PLCG2: variants seen among roughly 807,000 people sequenced by gnomAD.
The protein encoded by PLCG2 is phospholipase C gamma 2.
Under a neutral mutation model 175.6 loss-of-function variants are expected in PLCG2, and 69 were observed. The observed-to-expected ratio is 0.39, with a 90% CI of 0.32 to 0.48. The LOEUF (loss-of-function observed/expected upper bound fraction) is 0.48. Ranked by LOEUF, PLCG2 falls within the 20% of genes least tolerant of loss-of-function variation. The pLI, the probability that PLCG2 is intolerant of heterozygous loss-of-function variation, is 0.91. For missense variants in PLCG2, 1,798 were observed against 1,650.9 expected (o/e 1.09, Z -1.54); for synonymous variants, 827 against 624.0 (o/e 1.33, Z -4.85).
chr16:81,939,074 A>T (rs1164401044), intron 29 of PLCG2, among the ~76,000 whole-genome samples, 159 bp downstream of exon 29: 1 of 151,930 alleles, frequency 6.6e-6, no homozygotes, highest in African/African-American at 2.4e-5. Context: ...GGGGATACAT[A>T]CAAAGGGCCA....
chr16:81,941,996 A>G (rs574554131), intron 30 of PLCG2, among the ~76,000 whole-genome samples: 1 of 152,238 alleles, frequency 6.6e-6, no homozygotes, highest in Non-Finnish European at 1.5e-5. Flanking sequence ...GATTAGTCTA[A>G]TAAGGCTTAG....
chr16:81,853,470 G>A (rs1906523577), intron 2 of PLCG2, among the ~76,000 whole-genome samples: 1 of 152,172 alleles, frequency 6.6e-6, no homozygotes, highest in Non-Finnish European at 1.5e-5. Context: ...CACAGATGGT[G>A]GGGGCAGTGG....
At chr16:81,943,783 G>A (rs544352257) in intron 30 of PLCG2, among the ~76,000 whole-genome samples, 1 of 152,228 alleles carries the variant, frequency 6.6e-6, no homozygotes, top group African/African-American at 2.4e-5. Context: ...GTAGCGATAG[G>A]GAAAAATAGG....
intron 2 of PLCG2, among the ~76,000 whole-genome samples, chr16:81,769,536 C>T (rs1032550105): frequency 3.3e-5 from 5 of 151,948 alleles, no homozygotes; most frequent in African/African-American, 4.8e-5. Flanking sequence ...GACATGGGGC[C>T]GGGCGCGGTG....
At chr16:81,805,233 C>T (rs1478731533) in intron 2 of PLCG2, among the ~76,000 whole-genome samples, 2 of 152,284 alleles carry the variant, frequency 1.3e-5, no homozygotes, top group Non-Finnish European at 2.9e-5. Flanking sequence ...GGCTCGGTAG[C>T]TCATGCCTGT....
rs1485244733 is a variant in PLCG2, at chr16:81,856,917, C to T, written c.338-1346C>T. 2.0e-5 allele frequency among the ~76,000 whole-genome samples: 3 copies of T among 152,232 alleles called. No homozygotes were observed. In the South Asian group the frequency reaches 6.2e-4, roughly 32 times the overall value. On this transcript the variant is annotated intron_variant, in intron 3 of 32. Coordinates refer to ENST00000564138, the MANE Select transcript of PLCG2 (RefSeq NM_002661.5). ...ATGTGAGGATGGAAACAAAGGTCAGCAGATGAGAGGCCATGAGCTAAGGAA... is the reference window on the plus strand; with the variant it reads ...ATGTGAGGATGGAAACAAAGGTCAGTAGATGAGAGGCCATGAGCTAAGGAA...
intron 2 of PLCG2, among the ~76,000 whole-genome samples, chr16:81,850,983 T>A (rs1906377903): frequency 6.6e-6 from 1 of 152,164 alleles, no homozygotes; most frequent in South Asian, 2.1e-4. Context: ...GTGCAAGGTC[T>A]GGATGGGGTC....
intron 2 of PLCG2, among the ~76,000 whole-genome samples, chr16:81,847,547 C>G (rs12933648): frequency 0.29 from 43,609 of 151,888 alleles, 6,486 homozygotes; most frequent in African/African-American, 0.36. Flanking sequence ...CTTATCACTG[C>G]AGATTCCAAG....
intron 2 of PLCG2, among the ~76,000 whole-genome samples, chr16:81,823,729 T>C (rs1036040272): frequency 1.3e-5 from 2 of 151,448 alleles, no homozygotes; most frequent in African/African-American, 2.4e-5. Flanking sequence ...AGGGTCTCTC[T>C]ATGTTGCCCA....
At chr16:81,921,437 C>G (rs1442441779) in intron 21 of PLCG2, 168 bp downstream of exon 21, 1 of 663,248 alleles carries the variant, frequency 1.5e-6, no homozygotes, top group Non-Finnish European at 2.8e-6. Context: ...AATATCAAGC[C>G]TAGTTTCAGG....
intron 11 of PLCG2, among the ~76,000 whole-genome samples, chr16:81,891,828 C>G (rs1395932874): frequency 1.3e-5 from 2 of 152,168 alleles, no homozygotes; most frequent in Non-Finnish European, 2.9e-5. Context: ...CTAGTAAAAA[C>G]AAAAGTAACT....
intron 2 of PLCG2, among the ~76,000 whole-genome samples, chr16:81,805,783 G>GTTTTTTTTTTTTTTTTTTTTTTTTT (rs35014411): frequency 1.2e-5 from 1 of 82,932 alleles, no homozygotes; most frequent in African/African-American, 5.5e-5. Context: ...TTTTTTTTTT[G>GTTTTTTTTTTTTTTTTTTTTTTTTT]TTTTTTTTTT....
chr16:81,877,737 T>G (rs1251521454), intron 7 of PLCG2, among the ~76,000 whole-genome samples: 3 of 152,158 alleles, frequency 2.0e-5, no homozygotes, highest in Admixed American at 2.0e-4. Flanking sequence ...CTCCTCGGCA[T>G]GTAGGCGTCA....
At chr16:81,944,103 CAGA>C (rs1287342809) in intron 30 of PLCG2, among the ~76,000 whole-genome samples, 10 of 152,152 alleles carry the variant, frequency 6.6e-5, no homozygotes, top group Non-Finnish European at 1.0e-4. Context: ...AATTGTGTAT[CAGA>C]AGAGGAACAC....
chr16:81,810,071 A>C (rs1334027258), intron 2 of PLCG2, among the ~76,000 whole-genome samples: 1 of 151,618 alleles, frequency 6.6e-6, no homozygotes, highest in East Asian at 1.9e-4. Flanking sequence ...AGCTCACTGC[A>C]ACCTCCTCCT....
chr16:81,933,779 A>G (rs1333170013), intron 25 of PLCG2, among the ~76,000 whole-genome samples: 2 of 152,200 alleles, frequency 1.3e-5, no homozygotes, highest in Non-Finnish European at 2.9e-5. Flanking sequence ...CCCTTGGCCA[A>G]TAAAAGTCTG....
At chr16:81,894,242 G>A (rs770628885) in intron 12 of PLCG2, among the ~76,000 whole-genome samples, 2 of 151,796 alleles carry the variant, frequency 1.3e-5, no homozygotes, top group Non-Finnish European at 2.9e-5. Context: ...CAGCCTGGGC[G>A]ACATGGTGAG....
chr16:81,862,000 C>T (rs1907005402), intron 5 of PLCG2, among the ~76,000 whole-genome samples: 1 of 152,222 alleles, frequency 6.6e-6, no homozygotes, highest in Non-Finnish European at 1.5e-5. Context: ...TGGGCAGAGC[C>T]CTGCTCTCTG....
intron 13 of PLCG2, among the ~76,000 whole-genome samples, chr16:81,896,213 C>T (rs912016193): frequency 6.6e-6 from 1 of 152,108 alleles, no homozygotes; most frequent in Non-Finnish European, 1.5e-5. Context: ...TTCTGTCTGG[C>T]CCCCACTTTC....
Sources: allele counts gnomAD v4.1 joint callset (sites outside exome capture counted in the v4.1 genomes callset), GRCh38; gene constraint gnomAD v4.1.1; transcripts MANE v1.5; gene names NCBI Gene and HGNC (gene_info 2026-07-23, HGNC 2026-07-21).